Variants in DLGAP2 observed in about 807,000 individuals in gnomAD.
DLGAP2 encodes the protein DLG associated protein 2, also known as disks large-associated protein 2.
In DLGAP2, 26 loss-of-function variants were observed where a neutral mutation model predicts 100.3. The ratio of observed to expected loss-of-function variants is 0.26; its 90% CI spans 0.19 to 0.36. DLGAP2 has a LOEUF of 0.36. Ranked by LOEUF, DLGAP2 falls within the 10% of genes least tolerant of loss-of-function variation. The probability of loss-of-function intolerance (pLI) is 1.00; values close to 1 mark genes in which losing one functional copy is unlikely to be tolerated. For missense variants in DLGAP2, 1,858 were observed against 1,453.2 expected (o/e 1.28, Z -4.53); for synonymous variants, 886 against 630.1 (o/e 1.41, Z -6.08).
At chr8:1,104,540 C>T (rs900292994) in intron 2 of DLGAP2, among the ~76,000 whole-genome samples, 1 of 152,176 alleles carries the variant, frequency 6.6e-6, no homozygotes. Flanking sequence ...CTTAATTGAT[C>T]CTGAACACGA....
chr8:903,733 A>G (rs778044088), intron 1 of DLGAP2, among the ~76,000 whole-genome samples: 12 of 152,156 alleles, frequency 7.9e-5, no homozygotes, highest in Non-Finnish European at 1.3e-4. Context: ...GTGTCTCCCA[A>G]AAAGTGTGTG....
intron 2 of DLGAP2, among the ~76,000 whole-genome samples, chr8:1,243,781 A>G (rs971411334): frequency 6.6e-6 from 1 of 152,110 alleles, no homozygotes; most frequent in African/African-American, 2.4e-5. Flanking sequence ...CAGGTGGGCC[A>G]CCCACCCTGC....
chr8:1,252,742 A>C (rs3923941), intron 2 of DLGAP2, among the ~76,000 whole-genome samples: 3 of 152,112 alleles, frequency 2.0e-5, no homozygotes, highest in Admixed American at 2.0e-4. Flanking sequence ...GCCTGCTGTC[A>C]TCTAGAGCTC....
intron 3 of DLGAP2, among the ~76,000 whole-genome samples, chr8:1,308,566 C>G (rs777465363): frequency 6.6e-6 from 1 of 152,192 alleles, no homozygotes; most frequent in African/African-American, 2.4e-5. Context: ...ACTCTTGTTG[C>G]CCAGGCTGGA....
chr8:1,372,946 C>G (rs576172317), intron 3 of DLGAP2, among the ~76,000 whole-genome samples: 1 of 152,140 alleles, frequency 6.6e-6, no homozygotes, highest in African/African-American at 2.4e-5. Context: ...TTCCATGTGT[C>G]AGTGAAGGGA....
At chr8:943,760 G>A (rs1386077332) in intron 2 of DLGAP2, among the ~76,000 whole-genome samples, 2 of 152,274 alleles carry the variant, frequency 1.3e-5, no homozygotes, top group Non-Finnish European at 2.9e-5. Context: ...CTCTGTACAC[G>A]ATCATGTGGA....
At chr8:1,351,771 C>T (rs1445336327) in intron 3 of DLGAP2, among the ~76,000 whole-genome samples, 2 of 55,020 alleles carry the variant, frequency 3.6e-5, no homozygotes, top group Non-Finnish European at 8.3e-5. Context: ...GTGGAAAGGC[C>T]GTGCGGGTCC....
intron 3 of DLGAP2, among the ~76,000 whole-genome samples, chr8:1,267,597 AT>A (rs1265501306): frequency 1.4e-5 from 1 of 72,524 alleles, no homozygotes; most frequent in African/African-American, 7.1e-5. Context: ...ATAAGATAAG[AT>A]AAGATAAGAT....
chr8:1,116,049 T>C (rs930787302), intron 2 of DLGAP2, among the ~76,000 whole-genome samples: 2 of 152,118 alleles, frequency 1.3e-5, no homozygotes, highest in Admixed American at 1.3e-4. Flanking sequence ...TGACAGTCAC[T>C]TGGGAGGACT....
At chr8:1,449,453 G>C (rs1037164341) in intron 3 of DLGAP2, among the ~76,000 whole-genome samples, 4 of 152,124 alleles carry the variant, frequency 2.6e-5, no homozygotes, top group Admixed American at 1.3e-4. Flanking sequence ...TCAGCGTTTT[G>C]GGAAGAGCAG....
chr8:1,287,438 T>C (rs1799951639), intron 3 of DLGAP2, among the ~76,000 whole-genome samples: 3 of 123,276 alleles, frequency 2.4e-5, no homozygotes, highest in Non-Finnish European at 4.9e-5. Context: ...TGTGTGTGTG[T>C]GGTTGTTAGG....
Position 1,206,585 on chromosome 8 carries a change from G to C in DLGAP2, c.74-52266G>C, listed in dbSNP as rs1202644320. Reference sequence around the variant, plus strand: ...AGCCATCCGTGGGCGGGGGTAGACTGTGAGCAGTTAATCTCCAGCCATCCG... The same window carrying C: ...AGCCATCCGTGGGCGGGGGTAGACTCTGAGCAGTTAATCTCCAGCCATCCG... On this transcript the variant is annotated intron_variant, in intron 2 of 14. Transcript: ENST00000637795. Among the ~76,000 whole-genome samples the C allele has an allele frequency of 3.4e-3, 260 of 75,922 alleles. 14 individuals are homozygous for C. Among genetic ancestry groups the C allele is most frequent in the African/African-American group, 0.013 (175 of 13,102 alleles). The allele number at this position is 75,922 out of a possible 152,430, so 49.8% of individuals were successfully genotyped here.
intron 3 of DLGAP2, among the ~76,000 whole-genome samples, chr8:1,500,096 A>G (rs1799667075): frequency 6.6e-6 from 1 of 152,252 alleles, no homozygotes; most frequent in Admixed American, 6.5e-5. Context: ...TCATATTTAT[A>G]TTTGGGGCAT....
intron 2 of DLGAP2, among the ~76,000 whole-genome samples, chr8:957,996 C>T (rs1439602499): frequency 1.3e-5 from 2 of 152,144 alleles, no homozygotes; most frequent in East Asian, 3.9e-4. Context: ...TCTGAAACTC[C>T]GTCATCCCTG....
chr8:954,314 A>G (rs540186386), intron 2 of DLGAP2, among the ~76,000 whole-genome samples: 92 of 152,312 alleles, frequency 6.0e-4, no homozygotes, highest in Non-Finnish European at 9.4e-4. Context: ...GTTCATCTAT[A>G]AGTGAAAATT....
At chr8:1,427,866 C>T (rs1447832535) in intron 3 of DLGAP2, among the ~76,000 whole-genome samples, 1 of 152,148 alleles carries the variant, frequency 6.6e-6, no homozygotes, top group East Asian at 1.9e-4. Flanking sequence ...TGAAAATTGA[C>T]CAATACAGTA....
chr8:1,190,529 C>T (rs369804270), intron 2 of DLGAP2, among the ~76,000 whole-genome samples: 37 of 152,280 alleles, frequency 2.4e-4, no homozygotes, highest in East Asian at 9.7e-4. Flanking sequence ...TCCCGTTCGA[C>T]GCCTCTGGCC....
At chr8:1,178,870 G>A (rs1338004091) in intron 2 of DLGAP2, among the ~76,000 whole-genome samples, 1 of 152,164 alleles carries the variant, frequency 6.6e-6, no homozygotes, top group Non-Finnish European at 1.5e-5. Context: ...AGCTGCAACT[G>A]CTCTTTCAGT....
At chr8:1,674,412 C>T (rs1412002545) in intron 10 of DLGAP2, among the ~76,000 whole-genome samples, 1 of 152,152 alleles carries the variant, frequency 6.6e-6, no homozygotes, top group Admixed American at 6.5e-5. Context: ...ACATTCCTAT[C>T]CCACTGTATC....
Sources: allele counts gnomAD v4.1 joint callset (sites outside exome capture counted in the v4.1 genomes callset), GRCh38; gene constraint gnomAD v4.1.1; transcripts MANE v1.5; gene names NCBI Gene and HGNC (gene_info 2026-07-23, HGNC 2026-07-21).